NRCAM: variants seen among roughly 807,000 people sequenced by gnomAD.
NRCAM encodes NgCAM-related cell adhesion molecule.
NRCAM carries 83 observed loss-of-function variants against 156.5 expected under a neutral mutation model. The observed-to-expected ratio is 0.53, with a 90% CI of 0.44 to 0.64. The LOEUF (loss-of-function observed/expected upper bound fraction) is 0.64, where lower values mean the gene tolerates loss of function less well. NRCAM is among the 30% of genes least tolerant of loss of function. The pLI, the probability that NRCAM is intolerant of heterozygous loss-of-function variation, is 0.00. For synonymous variants in NRCAM, 538 were observed against 563.9 expected (o/e 0.95, Z 0.65); for missense variants, 1,417 against 1,597.3 (o/e 0.89, Z 1.92).
chr7:108,357,950 A>AC (rs1356397897), intron 2 of NRCAM, among the ~76,000 whole-genome samples: 1 of 24,396 alleles, frequency 4.1e-5, no homozygotes, highest in African/African-American at 1.1e-4. Flanking sequence ...TATGGTAGGG[A>AC]GGGTGGGGAA....
intron 1 of NRCAM, among the ~76,000 whole-genome samples, chr7:108,427,834 C>T (rs1176814960): frequency 1.3e-5 from 2 of 152,192 alleles, no homozygotes; most frequent in East Asian, 3.8e-4. Flanking sequence ...ACAGTTATTT[C>T]AATCTTGCTC....
At chr7:108,395,785 T>C (rs1004415526) in intron 2 of NRCAM, among the ~76,000 whole-genome samples, 4 of 152,152 alleles carry the variant, frequency 2.6e-5, no homozygotes, top group African/African-American at 9.7e-5. Flanking sequence ...CACTTTGGAA[T>C]CCAAGCAGAA....
chr7:108,150,471 A>AG (rs2040672400), intron 32 of NRCAM, among the ~76,000 whole-genome samples: 1 of 152,206 alleles, frequency 6.6e-6, no homozygotes, highest in Admixed American at 6.5e-5. Flanking sequence ...AAAGTAGAAA[A>AG]ATCATCACTA....
At chr7:108,440,968 G>T (rs751878871) in intron 1 of NRCAM, among the ~76,000 whole-genome samples, 1 of 152,124 alleles carries the variant, frequency 6.6e-6, no homozygotes, top group Non-Finnish European at 1.5e-5. Context: ...CTTCAGGTGC[G>T]ATCTGGACAC....
chr7:108,449,185 T>A (rs1847689784), intron 1 of NRCAM, among the ~76,000 whole-genome samples: 1 of 152,222 alleles, frequency 6.6e-6, no homozygotes, highest in East Asian at 1.9e-4. Flanking sequence ...GCACTCAACA[T>A]TTCGGGTGTG....
intron 1 of NRCAM, among the ~76,000 whole-genome samples, chr7:108,435,444 G>C (rs545684562): frequency 6.6e-6 from 1 of 152,228 alleles, no homozygotes; most frequent in Admixed American, 6.5e-5. Flanking sequence ...TAAGTACCAT[G>C]GTAGTTCCAA....
At chr7:108,429,060 GA>G (rs1821305209) in intron 1 of NRCAM, among the ~76,000 whole-genome samples, 1 of 152,058 alleles carries the variant, frequency 6.6e-6, no homozygotes, top group East Asian at 1.9e-4. Context: ...AGGGCATGGT[GA>G]AATATACATT....
intron 2 of NRCAM, 57 bp from the exon 3 acceptor site, chr7:108,312,788 G>C (rs2098820427): frequency 6.6e-6 from 1 of 152,142 alleles, no homozygotes; most frequent in Non-Finnish European, 1.5e-5. Flanking sequence ...ATCAATCACA[G>C]CAGAGTGTCA....
At chr7:108,190,002 C>A (rs2070089944) in intron 19 of NRCAM, among the ~76,000 whole-genome samples, 1 of 152,176 alleles carries the variant, frequency 6.6e-6, no homozygotes, top group African/African-American at 2.4e-5. Context: ...CCCAGTGAAG[C>A]AGACACATGT....
chr7:108,189,395 A>G (rs925557602), intron 20 of NRCAM, among the ~76,000 whole-genome samples: 4 of 152,212 alleles, frequency 2.6e-5, no homozygotes, highest in African/African-American at 9.7e-5. Context: ...ATGGATCTTA[A>G]ACACAAATGA....
chr7:108,352,025 C>T (rs1007911120), intron 2 of NRCAM, among the ~76,000 whole-genome samples: 3 of 152,178 alleles, frequency 2.0e-5, no homozygotes, highest in African/African-American at 7.2e-5. Flanking sequence ...AGACCACTCA[C>T]TCCCTGACTG....
At chr7:108,420,110 T>C (rs1313737520) in intron 1 of NRCAM, among the ~76,000 whole-genome samples, 2 of 151,750 alleles carry the variant, frequency 1.3e-5, no homozygotes, top group African/African-American at 4.8e-5. Context: ...TACAAAAGAA[T>C]ATCCTTTCAG....
intron 2 of NRCAM, among the ~76,000 whole-genome samples, chr7:108,371,954 C>G (rs1050757458): frequency 3.4e-4 from 52 of 152,226 alleles, no homozygotes; most frequent in African/African-American, 1.1e-3. Context: ...ATCACACTTC[C>G]TGATTTCAAA....
At chr7:108,220,061 C>T (rs111359927) in intron 11 of NRCAM, among the ~76,000 whole-genome samples, 35,231 of 151,400 alleles carry the variant, frequency 0.23, 4,343 homozygotes, top group Non-Finnish European at 0.27. Flanking sequence ...CCAACAGCAA[C>T]CAAGTAGAGA....
chr7:108,183,571 C>G (rs1207976710), intron 22 of NRCAM, among the ~76,000 whole-genome samples: 1 of 150,492 alleles, frequency 6.6e-6, no homozygotes, highest in Non-Finnish European at 1.5e-5. Context: ...GAATCTTGCT[C>G]TGTCACCCAG....
intron 11 of NRCAM, among the ~76,000 whole-genome samples, chr7:108,219,433 T>A (rs186192155): frequency 1.4e-4 from 21 of 152,180 alleles, no homozygotes; most frequent in African/African-American, 5.1e-4. Flanking sequence ...CTGAGGAACA[T>A]AGATGCTAAA....
At chr7:108,414,434 G>A (rs1385961821) in intron 1 of NRCAM, among the ~76,000 whole-genome samples, 3 of 151,912 alleles carry the variant, frequency 2.0e-5, no homozygotes, top group East Asian at 1.9e-4. Context: ...GTTTTCTAGG[G>A]AACCCAGGCT....
chr7:108,226,322 A>G lies in NRCAM; in HGVS notation c.607T>C (p.Tyr203His). 1 of 1,611,922 alleles carries G rather than the reference A, an allele frequency of 6.2e-7. No homozygotes were observed. Among genetic ancestry groups the G allele is most frequent in the South Asian group, 1.1e-5 (1 of 90,986 alleles). ...RVSQGLNGDL[Y>H]FSNVLPEDTR... ...TCCTCTGGGAGGACATTGGAAAAAT[A>G]AAGGTCCCCATTCAAACCTTGAGAA... The change falls in exon 9 of 33, where the codon TAT becomes CAT. Residue 203 changes from tyrosine to histidine, a missense_variant. Tyr to His is a moderately conservative substitution (Grantham distance 83, BLOSUM62 2). Coordinates refer to ENST00000379028, the MANE Select transcript of NRCAM (RefSeq NM_001037132.4).
chr7:108,338,765 T>C (rs967699236), intron 2 of NRCAM, among the ~76,000 whole-genome samples: 2 of 152,218 alleles, frequency 1.3e-5, no homozygotes, highest in Non-Finnish European at 2.9e-5. Context: ...AAACCTATAC[T>C]TGATAATTGA....
Sources: gnomAD v4.1 joint callset for allele counts (sites outside exome capture counted in the v4.1 genomes callset) on GRCh38, gnomAD v4.1.1 for gene constraint, MANE v1.5 for transcripts, NCBI Gene and HGNC (gene_info 2026-07-23, HGNC 2026-07-21) for gene names.